FGF20: variants seen among roughly 807,000 people sequenced by gnomAD.
FGF20 encodes the protein fibroblast growth factor 20.
Under a neutral mutation model 16.7 loss-of-function variants are expected in FGF20, and 8 were observed. The observed-to-expected ratio is 0.48, with a 90% CI of 0.28 to 0.87. The LOEUF (loss-of-function observed/expected upper bound fraction) is 0.87, where lower values mean the gene tolerates loss of function less well. Among genes scored for constraint, FGF20 ranks in the 40% least tolerant of loss-of-function variants. The pLI is 0.10. For missense variants in FGF20, 397 were observed against 281.4 expected, an observed-to-expected ratio of 1.41 and a Z score of -2.94; for synonymous variants, 161 against 118.6, an observed-to-expected ratio of 1.36 and a Z score of -2.32.
chr8:16,992,663 A>G lies in FGF20; in HGVS notation c.*409T>C, dbSNP rs1239273198. 1 of 154,876 alleles carries G rather than the reference A, an allele frequency of 6.5e-6. No homozygotes were observed. Among genetic ancestry groups the G allele is most frequent in the African/African-American group, 2.4e-5 (1 of 41,414 alleles). The allele number at this position is 154,876 out of a possible 1,614,324, so 9.6% of individuals were successfully genotyped here. ...CTGTGAATTCTACAAGGTCCTCAGAATTTATGTAGCAATGCTCTTGGCTAA... is the reference window on the plus strand; with the variant it reads ...CTGTGAATTCTACAAGGTCCTCAGAGTTTATGTAGCAATGCTCTTGGCTAA... On this transcript the variant is annotated 3_prime_UTR_variant, in exon 3 of 3. Transcript: ENST00000180166.
At position 17,002,213 on chromosome 8, in the gene FGF20, G is replaced by C. The variant is rs921440890; in HGVS notation, c.-181C>G. ...TGGCAGGGAAGCTCTCACTGTCTTG[G>C]AGCGATCTTCTCTCCTTGGGTAGGT... On this transcript the variant is annotated 5_prime_UTR_variant, in exon 1 of 3. Transcript: ENST00000180166. 34 of 563,376 alleles carry C rather than the reference G, an allele frequency of 6.0e-5. No individual in the cohort carries two copies. Among genetic ancestry groups the C allele is most frequent in the Non-Finnish European group, 9.7e-5 (34 of 351,984 alleles). The allele number at this position is 563,376 out of a possible 1,614,324, so 34.9% of individuals were successfully genotyped here. A position where few individuals can be genotyped will look rare whatever the true frequency, so the allele number is the denominator to read the frequency against.
rs774802384 is a variant in FGF20 at position 17,001,977 on chromosome 8, T to C, written c.56A>G (p.Gln19Arg). 1.3e-6 allele frequency: 2 copies of C among 1,513,762 alleles called. No individual in the cohort carries two copies. Among genetic ancestry groups the C allele is most frequent in the Non-Finnish European group, 1.8e-6 (2 of 1,131,850 alleles). The allele number at this position is 1,513,762 out of a possible 1,614,324, so 93.8% of individuals were successfully genotyped here. A position where few individuals can be genotyped will look rare whatever the true frequency, so the allele number is the denominator to read the frequency against. Residue 19 changes from glutamine to arginine, a missense_variant, in exon 1 of 3, where the codon CAG (glutamine) becomes CGG (arginine). Transcript: ENST00000180166. ...GFLGGLEGLG[Q>R]QVGSHFLLPP... ...CAACAGGAAATGCGAACCCACCTGC[T>C]GGCCCAAGCCCTCCAGGCCGCCCAG...
At chr8:16,994,037 G>T (rs947694412) in intron 2 of FGF20, among the ~76,000 whole-genome samples, 2 of 152,142 alleles carry the variant, frequency 1.3e-5, no homozygotes, top group South Asian at 4.1e-4. Context: ...TGGCCCAGGG[G>T]TTGGGGACCC....
chr8:16,997,168 C>T (rs1157076645), intron 1 of FGF20, among the ~76,000 whole-genome samples: 2 of 152,112 alleles, frequency 1.3e-5, no homozygotes, highest in Non-Finnish European at 2.9e-5. Context: ...AAAAGAAAAA[C>T]TTAACACCTC....
rs764133199 is a variant in FGF20 at position 17,002,007 on chromosome 8, C to A, written c.26G>T (p.Gly9Val). Residue 9 changes from glycine to valine, a missense_variant, in exon 1 of 3, where the codon GGC (glycine) becomes GTC (valine). Coordinates refer to ENST00000180166, the MANE Select transcript of FGF20 (RefSeq NM_019851.3). ...CAAGCCCTCCAGGCCGCCCAGAAAG[C>A]CCCCGACTTCGGCTAAGGGAGCCAT... is the stretch of plus-strand genomic sequence containing the variant. MAPLAEVG[G>V]FLGGLEGLGQ... 98 of 1,534,786 alleles carry A rather than the reference C, an allele frequency of 6.4e-5. No individual in the cohort carries two copies. Among genetic ancestry groups the A allele is most frequent in the Non-Finnish European group, 8.2e-5 (94 of 1,141,342 alleles).
chr8:17,000,598 A>G (rs1247451527), intron 1 of FGF20, among the ~76,000 whole-genome samples: 2 of 152,272 alleles, frequency 1.3e-5, no homozygotes, highest in South Asian at 2.1e-4. Context: ...CAAAAGTTTG[A>G]TAATCAAAAT....
At chr8:16,996,886 C>T (rs17550123) in intron 1 of FGF20, among the ~76,000 whole-genome samples, 2,326 of 152,290 alleles carry the variant, frequency 0.015, 51 homozygotes, top group African/African-American at 0.053. Context: ...ACTGTTTCTA[C>T]TTCAGGACAC....
intron 1 of FGF20, among the ~76,000 whole-genome samples, chr8:16,999,741 A>T (rs987107771): frequency 7.0e-6 from 1 of 142,380 alleles, no homozygotes; most frequent in Non-Finnish European, 1.5e-5. Context: ...GGGTTTCACT[A>T]TCTTGGCCAG....
chr8:16,992,325 G>C lies in FGF20; in HGVS notation c.*747C>G, dbSNP rs1322122243. On this transcript the variant is annotated 3_prime_UTR_variant, in exon 3 of 3. Coordinates refer to ENST00000180166, the MANE Select transcript of FGF20 (RefSeq NM_019851.3). ...TATAATCTATACTATATTTTAAAAA[G>C]AAATTCAAAATCTGATTCTATGGTT... 2 of 151,912 alleles carry C rather than the reference G, an allele frequency of 1.3e-5. No individual in the cohort carries two copies. Among genetic ancestry groups the C allele is most frequent in the East Asian group, 1.9e-4 (1 of 5,198 alleles). 9.4% of individuals were successfully genotyped at this position (151,912 alleles called of 1,614,324 possible). A position where few individuals can be genotyped will look rare whatever the true frequency, so the allele number is the denominator to read the frequency against.
chr8:16,998,152 T>A (rs1047394913), intron 1 of FGF20, among the ~76,000 whole-genome samples: 7 of 152,202 alleles, frequency 4.6e-5, no homozygotes, highest in African/African-American at 2.4e-5. Context: ...CCACCTACAC[T>A]TTAATTCTTA....
intron 1 of FGF20, among the ~76,000 whole-genome samples, chr8:17,000,354 C>G (rs1230227616): frequency 6.6e-6 from 1 of 152,098 alleles, no homozygotes; most frequent in Non-Finnish European, 1.5e-5. Flanking sequence ...ATGCTTATTT[C>G]TACATCTAGA....
chr8:17,000,325 G>T (rs1810152391), intron 1 of FGF20, among the ~76,000 whole-genome samples: 1 of 152,128 alleles, frequency 6.6e-6, no homozygotes, highest in Non-Finnish European at 1.5e-5. Flanking sequence ...GCCTTTAAGT[G>T]CTACCAAATG....
At position 16,994,307 on chromosome 8, in the gene FGF20, C is replaced by G. The variant is rs376159453; in HGVS notation, c.391-990G>C. On this transcript the variant is annotated intron_variant, in intron 2 of 2. Transcript: ENST00000180166. ...ATCATCACTCCAAATCATATATCTT[C>G]TCTTTATGAATTTACTAACTGTTTG... is the stretch of plus-strand genomic sequence containing the variant. 2.6e-4 allele frequency among the ~76,000 whole-genome samples: 39 copies of G among 152,240 alleles called. 1 individual carries two copies. The South Asian group carries it at 7.7e-3, about 30-fold the overall frequency.
chr8:16,999,518 CT>C lies in FGF20; in HGVS notation c.286+2228del, dbSNP rs370808443. Among the ~76,000 whole-genome samples the C allele has an allele frequency of 7.3e-3, 628 of 85,824 alleles. 2 individuals carry two copies. The highest frequency in any genetic ancestry group is 0.018 in the Middle Eastern group (2 of 110). 56.3% of individuals were successfully genotyped at this position (85,824 alleles called of 152,430 possible). A position where few individuals can be genotyped will look rare whatever the true frequency, so the allele number is the denominator to read the frequency against. Reference sequence around the variant, plus strand: ...AGATTACAGTTTAATTACAAGTTTCCTTTTTTTTTTTTTTTTTTTTTTGAGA... The same window carrying C: ...AGATTACAGTTTAATTACAAGTTTCCTTTTTTTTTTTTTTTTTTTTTGAGA... On this transcript the variant is annotated intron_variant, in intron 1 of 2. Coordinates refer to ENST00000180166, the MANE Select transcript of FGF20 (RefSeq NM_019851.3).
In FGF20 at chr8:16,994,596, A is replaced by G. The variant is rs1810000958; in HGVS notation, c.390+1059T>C. On this transcript the variant is annotated intron_variant, in intron 2 of 2. Transcript: ENST00000180166. Reference sequence around the variant, plus strand: ...CCTAGAAATAACAAGTTTTACCCTTACAAAGGACAAATATTCATCTACTTC... The same window carrying G: ...CCTAGAAATAACAAGTTTTACCCTTGCAAAGGACAAATATTCATCTACTTC... Among the ~76,000 whole-genome samples the G allele has an allele frequency of 2.0e-5, 3 of 152,210 alleles. No homozygotes were observed. The South Asian group carries it at 6.2e-4, about 31-fold the overall frequency.
At position 17,002,269 on chromosome 8, in the gene FGF20, C is replaced by G. The variant is rs898459889; in HGVS notation, c.-237G>C. 1 of 448,132 alleles carries G rather than the reference C, an allele frequency of 2.2e-6. No individual in the cohort carries two copies. The highest frequency in any genetic ancestry group is 5.7e-4 in the Middle Eastern group (1 of 1,766). The allele number at this position is 448,132 out of a possible 1,614,324, so 27.8% of individuals were successfully genotyped here. The stretch of plus-strand genomic sequence containing the variant: ...CCGGCTGCTGGCTCTGCAGAAATAT[C>G]TATAGCTGCCGCTGCCAATACTAGG... On this transcript the variant is annotated 5_prime_UTR_variant, in exon 1 of 3. Transcript: ENST00000180166.
rs746460841 is a variant in FGF20 at position 16,995,693 on chromosome 8, A to C, written c.352T>G (p.Tyr118Asp). 2.5e-6 allele frequency: 4 copies of C among 1,606,342 alleles called. No individual in the cohort carries two copies. The highest frequency in any genetic ancestry group is 1.7e-5 in the Admixed American group (1 of 59,622). The stretch of plus-strand genomic sequence containing the variant: ...TCTCCTTTGTCATTCATTCCAAGAT[A>C]GAGACCACTGTCCACACCTCTAATA... ...VSIRGVDSGL[Y>D]LGMNDKGELY... The change falls in exon 2 of 3, where the codon TAT (tyrosine) becomes GAT (aspartate). Residue 118 changes from tyrosine (Y) to aspartate (D), a missense_variant. Transcript: ENST00000180166.
intron 1 of FGF20, 32 bp from the exon 2 acceptor site, chr8:16,995,790 T>G: frequency 7.7e-7 from 1 of 1,291,080 alleles, no homozygotes; most frequent in Admixed American, 1.9e-5. Context: ...AAAAACACCA[T>G]GTTTTGTATT....
At position 17,002,083 on chromosome 8, in the gene FGF20, G is replaced by A; in HGVS notation, c.-51C>T. On this transcript the variant is annotated 5_prime_UTR_variant, in exon 1 of 3. Coordinates refer to ENST00000180166, the MANE Select transcript of FGF20 (RefSeq NM_019851.3). ...GACCCCCCCAGTAAAGAGTGTTGTG[G>A]GGGTGGGATGGAGGTGGATAGAGAA... The A allele has an allele frequency of 6.8e-7, 1 of 1,474,454 alleles. No homozygotes were observed. The highest frequency in any genetic ancestry group is 1.3e-5 in the South Asian group (1 of 75,028). 91.3% of individuals were successfully genotyped at this position (1,474,454 alleles called of 1,614,324 possible).
Sources: gnomAD v4.1 joint callset for allele counts (sites outside exome capture counted in the v4.1 genomes callset) on GRCh38, gnomAD v4.1.1 for gene constraint, MANE v1.5 for transcripts, NCBI Gene and HGNC (gene_info 2026-07-23, HGNC 2026-07-21) for gene names.